Variants in CWC27 observed in about 807,000 individuals in gnomAD.
CWC27 encodes spliceosome-associated protein CWC27 homolog.
CWC27 carries 47 observed loss-of-function variants against 63.6 expected under a neutral mutation model. The ratio of observed to expected loss-of-function variants is 0.74; its 90% CI spans 0.58 to 0.94. CWC27 has a LOEUF of 0.94. CWC27 is among the 40% of genes least tolerant of loss of function. The pLI is 0.00. For synonymous variants in CWC27, 175 were observed against 179.8 expected, an observed-to-expected ratio of 0.97 and a Z score of 0.22; for missense variants, 495 against 554.3, an observed-to-expected ratio of 0.89 and a Z score of 1.07.
chr5:64,883,223 A>G (rs1746988026), intron 10 of CWC27, among the ~76,000 whole-genome samples: 1 of 152,218 alleles, frequency 6.6e-6, no homozygotes, highest in African/African-American at 2.4e-5. Flanking sequence ...ATCACTTTCC[A>G]TGAGGTCCCT....
chr5:64,999,449 G>A lies in CWC27; in HGVS notation c.1257-18710G>A, dbSNP rs116263947. On this transcript the variant is annotated intron_variant, in intron 13 of 13. Transcript: ENST00000381070. ...AAACACTAGAACTTACTCTTCTAAC[G>A]GTATGTTTGTATCCATTAACCAACC... Among the ~76,000 whole-genome samples the A allele has an allele frequency of 6.0e-3, 914 of 151,884 alleles. 6 individuals carry two copies. The highest frequency in any genetic ancestry group is 0.018 in the African/African-American group (761 of 41,440).
At chr5:64,960,390 A>G (rs1477149127) in intron 11 of CWC27, among the ~76,000 whole-genome samples, 2 of 152,140 alleles carry the variant, frequency 1.3e-5, no homozygotes, top group Non-Finnish European at 2.9e-5. Context: ...TATTTTCCTG[A>G]CAGAATTGTT....
chr5:64,793,499 A>G (rs1744149009), intron 7 of CWC27, among the ~76,000 whole-genome samples: 2 of 152,122 alleles, frequency 1.3e-5, no homozygotes, highest in South Asian at 4.1e-4. Flanking sequence ...TTGCTTATAT[A>G]CAGTTTTTTA....
intron 13 of CWC27, among the ~76,000 whole-genome samples, chr5:65,014,811 T>C (rs578158059): frequency 1.8e-4 from 27 of 152,230 alleles, no homozygotes; most frequent in Non-Finnish European, 3.8e-4. Flanking sequence ...CTTTTCACAA[T>C]GAAGTGACCA....
chr5:64,839,266 C>G (rs1316364317), intron 10 of CWC27, among the ~76,000 whole-genome samples: 1 of 152,138 alleles, frequency 6.6e-6, no homozygotes, highest in Non-Finnish European at 1.5e-5. Context: ...ATTCAGTATT[C>G]ATCTACTGGA....
In CWC27 at chr5:64,769,431, T is replaced by C. The variant is rs553041551; in HGVS notation, c.42+243T>C. Among the ~76,000 whole-genome samples the C allele has an allele frequency of 3.9e-5, 6 of 152,346 alleles. No individual in the cohort carries two copies. The East Asian group carries it at 1.2e-3, about 29-fold the overall frequency. ...AGCATTCCGGTCCTATTTAATGCTTTAACCCAACTCATGCAGCCGATTTCT... is the reference window on the plus strand; with the variant it reads ...AGCATTCCGGTCCTATTTAATGCTTCAACCCAACTCATGCAGCCGATTTCT... On this transcript the variant is annotated intron_variant, in intron 1 of 13. Coordinates refer to ENST00000381070, the MANE Select transcript of CWC27 (RefSeq NM_005869.4).
intron 11 of CWC27, among the ~76,000 whole-genome samples, chr5:64,894,773 C>T (rs2112355932): frequency 6.6e-6 from 1 of 152,286 alleles, no homozygotes; most frequent in Non-Finnish European, 1.5e-5. Flanking sequence ...CTAGGTCAGG[C>T]TTTAACCCTA....
chr5:64,851,896 C>G (rs965907130), intron 10 of CWC27, among the ~76,000 whole-genome samples: 1 of 152,106 alleles, frequency 6.6e-6, no homozygotes, highest in Non-Finnish European at 1.5e-5. Flanking sequence ...ATTTATCTCA[C>G]TCGTTTTCTT....
intron 11 of CWC27, among the ~76,000 whole-genome samples, chr5:64,899,441 A>G (rs572870194): frequency 1.3e-5 from 2 of 152,346 alleles, no homozygotes; most frequent in South Asian, 4.1e-4. Context: ...GCTTAAGTGA[A>G]TAATCACATT....
At chr5:64,918,862 C>T (rs1195791920) in intron 11 of CWC27, among the ~76,000 whole-genome samples, 1 of 152,160 alleles carries the variant, frequency 6.6e-6, no homozygotes, top group Non-Finnish European at 1.5e-5. Context: ...TACCCACCCA[C>T]CTCCACGTCC....
chr5:64,959,186 G>A (rs1330651441), intron 11 of CWC27, among the ~76,000 whole-genome samples: 1 of 151,894 alleles, frequency 6.6e-6, no homozygotes, highest in Non-Finnish European at 1.5e-5. Context: ...ATTATGAATA[G>A]GTTTTTATTT....
At chr5:64,886,224 CTTTAA>C (rs1747070330) in intron 11 of CWC27, among the ~76,000 whole-genome samples, 3 of 152,056 alleles carry the variant, frequency 2.0e-5, no homozygotes, top group African/African-American at 7.2e-5. Flanking sequence ...CATTGATGAT[CTTTAA>C]TTTAGTTTAA....
chr5:64,979,262 T>C (rs1749288370), intron 13 of CWC27, among the ~76,000 whole-genome samples: 1 of 152,198 alleles, frequency 6.6e-6, no homozygotes, highest in Non-Finnish European at 1.5e-5. Flanking sequence ...CATTAGCAGG[T>C]CTTCAGGGCG....
intron 11 of CWC27, among the ~76,000 whole-genome samples, chr5:64,932,095 A>G (rs1303006453): frequency 3.9e-5 from 6 of 152,184 alleles, no homozygotes; most frequent in African/African-American, 9.6e-5. Flanking sequence ...AGTGATTTAT[A>G]TGTATTAATT....
intron 10 of CWC27, among the ~76,000 whole-genome samples, chr5:64,853,387 A>T (rs1228314515): frequency 6.6e-6 from 1 of 152,232 alleles, no homozygotes; most frequent in Non-Finnish European, 1.5e-5. Flanking sequence ...GCACTATCAT[A>T]TGCAAAGCAT....
chr5:64,918,989 G>T (rs565804026), intron 11 of CWC27, among the ~76,000 whole-genome samples: 2 of 152,264 alleles, frequency 1.3e-5, no homozygotes, highest in African/African-American at 4.8e-5. Flanking sequence ...TTTCATAGCA[G>T]TTCTTAAAAC....
intron 10 of CWC27, among the ~76,000 whole-genome samples, chr5:64,862,867 C>T (rs1032856284): frequency 1.3e-5 from 2 of 152,090 alleles, no homozygotes; most frequent in Non-Finnish European, 1.5e-5. Flanking sequence ...GGGCCTATTT[C>T]CTGGTTCATA....
chr5:64,809,675 T>C (rs1319876835), intron 10 of CWC27, among the ~76,000 whole-genome samples: 1 of 152,212 alleles, frequency 6.6e-6, no homozygotes, highest in Non-Finnish European at 1.5e-5. Flanking sequence ...CCACAAAACT[T>C]ATTCTTCTAG....
intron 11 of CWC27, among the ~76,000 whole-genome samples, chr5:64,923,934 T>A (rs938382081): frequency 6.6e-6 from 1 of 152,146 alleles, no homozygotes; most frequent in African/African-American, 2.4e-5. Context: ...TTTTTTAGTG[T>A]CATCTTTGGC....
Sources: allele counts gnomAD v4.1 joint callset (sites outside exome capture counted in the v4.1 genomes callset), GRCh38; gene constraint gnomAD v4.1.1; transcripts MANE v1.5; gene names NCBI Gene and HGNC (gene_info 2026-07-23, HGNC 2026-07-21).